Variants in GPA33 observed in about 807,000 individuals in gnomAD.
GPA33 encodes glycoprotein A33, also known as cell surface A33 antigen.
In GPA33, 27 loss-of-function variants were observed where a neutral mutation model predicts 35.6. The ratio of observed to expected loss-of-function variants is 0.76; its 90% CI spans 0.56 to 1.04. GPA33 has a LOEUF of 1.04. Among genes scored for constraint, GPA33 ranks in the 50% least tolerant of loss-of-function variants. The pLI is 0.00. For synonymous variants in GPA33, 176 were observed against 164.0 expected (o/e 1.07, Z -0.56); for missense variants, 428 against 411.9 (o/e 1.04, Z -0.34).
chr1:167,055,556 G>A (rs897637213), intron 5 of GPA33, among the ~76,000 whole-genome samples, 174 bp downstream of exon 5: 1 of 152,116 alleles, frequency 6.6e-6, no homozygotes, highest in Non-Finnish European at 1.5e-5. Flanking sequence ...TGGCCTCAGA[G>A]TGAGGGGAGC....
At chr1:167,079,121 CAG>C (rs1553245113) in intron 1 of GPA33, among the ~76,000 whole-genome samples, 1 of 151,978 alleles carries the variant, frequency 6.6e-6, no homozygotes, top group Non-Finnish European at 1.5e-5. Flanking sequence ...ATCATTATAA[CAG>C]AGAGTTAAAA....
At chr1:167,084,464 A>G (rs1226112095) in intron 1 of GPA33, among the ~76,000 whole-genome samples, 2 of 152,262 alleles carry the variant, frequency 1.3e-5, no homozygotes, top group Admixed American at 6.5e-5. Flanking sequence ...TGCTCTCAAC[A>G]AAAGGTGTTC....
chr1:167,076,714 C>CA (rs1022156227), intron 1 of GPA33, among the ~76,000 whole-genome samples: 7 of 151,910 alleles, frequency 4.6e-5, no homozygotes, highest in Non-Finnish European at 7.4e-5. Flanking sequence ...AGGAAGATGT[C>CA]AAAAAAACAG....
chr1:167,062,171 ATTTATTTTATTTTATTTTACTTTAT>A (rs1558004532), intron 4 of GPA33, among the ~76,000 whole-genome samples: 1 of 151,290 alleles, frequency 6.6e-6, no homozygotes, highest in Non-Finnish European at 1.5e-5. Flanking sequence ...AAAATATTTT[ATTTATTTTATTTTATTTTACTTTAT>A]TTTATTTTAT....
chr1:167,069,076 A>G lies in GPA33; in HGVS notation c.261T>C (p.Asn87=). 6.2e-7 allele frequency: 1 copy of G among 1,614,044 alleles called. No individual in the cohort carries two copies. The highest frequency in any genetic ancestry group is 8.5e-7 in the Non-Finnish European group (1 of 1,179,958). ...KNYIHGELYK[N]RVSISNNAEQ... is the part of the protein sequence containing the mutation. ...CAGCATTGTTGGATATGCTGACGCG[A>G]TTCTTATAAAGCTCACCATGGATGT... The change falls in exon 3 of 7, where the codon AAT becomes AAC. Residue 87 remains asparagine (N), a synonymous_variant. Transcript: ENST00000367868.
chr1:167,063,710 A>G lies in GPA33; in HGVS notation c.443T>C (p.Ile148Thr), dbSNP rs1177403007. ...LVPPSKPECG[I>T]EGETIIGNNI... ...GTTCCCAATTATGGTCTCTCCCTCGATGCCGCATTCTGGTTTGGAGGGTGG... is the reference window on the plus strand; with the variant it reads ...GTTCCCAATTATGGTCTCTCCCTCGGTGCCGCATTCTGGTTTGGAGGGTGG... Residue 148 changes from isoleucine to threonine, a missense_variant, in exon 4 of 7, where the codon ATC becomes ACC. Transcript: ENST00000367868. 3 of 1,613,306 alleles carry G rather than the reference A, an allele frequency of 1.9e-6. No homozygotes were observed. Among genetic ancestry groups the G allele is most frequent in the Admixed American group, 3.3e-5 (2 of 59,980 alleles).
intron 1 of GPA33, among the ~76,000 whole-genome samples, chr1:167,075,528 A>G (rs768824032): frequency 3.9e-5 from 6 of 152,182 alleles, no homozygotes; most frequent in Admixed American, 2.0e-4. Flanking sequence ...ACAGTTAAGG[A>G]AGGAGGAAGT....
intron 1 of GPA33, 108 bp downstream of exon 1, chr1:167,090,137 G>A (rs1434216658): frequency 4.9e-6 from 4 of 817,960 alleles, no homozygotes; most frequent in Non-Finnish European, 8.6e-6. Context: ...ACGCAGCTGT[G>A]TTGCTGGAGG....
intron 4 of GPA33, among the ~76,000 whole-genome samples, chr1:167,059,206 C>T (rs1454490355): frequency 6.6e-6 from 1 of 152,196 alleles, no homozygotes; most frequent in East Asian, 1.9e-4. Flanking sequence ...TGAACCAGTG[C>T]AGGTCTTGTG....
chr1:167,090,096 G>A (rs568576552), intron 1 of GPA33, 149 bp downstream of exon 1: 2 of 651,124 alleles, frequency 3.1e-6, no homozygotes, highest in Admixed American at 5.2e-5. Context: ...CTGGGCACTG[G>A]TCCGGAATGT....
chr1:167,072,806 C>T (rs74119590), intron 2 of GPA33, among the ~76,000 whole-genome samples: 1,720 of 151,882 alleles, frequency 0.011, 33 homozygotes, highest in African/African-American at 0.039. Flanking sequence ...TATTCATATA[C>T]GCAAATACAT....
At chr1:167,080,327 C>T (rs781336102) in intron 1 of GPA33, among the ~76,000 whole-genome samples, 1 of 152,180 alleles carries the variant, frequency 6.6e-6, no homozygotes, top group Non-Finnish European at 1.5e-5. Flanking sequence ...GTTAGAAGTG[C>T]AAGCGCCTTT....
At chr1:167,058,655 C>G (rs570233509) in intron 4 of GPA33, 1 of 152,170 alleles carries the variant, frequency 6.6e-6, no homozygotes, top group African/African-American at 2.4e-5. Context: ...TAAAATGTGT[C>G]CCCTTCTATC....
chr1:167,080,313 A>G (rs1207144684), intron 1 of GPA33, among the ~76,000 whole-genome samples: 1 of 152,204 alleles, frequency 6.6e-6, no homozygotes, highest in Non-Finnish European at 1.5e-5. Flanking sequence ...CCAGGGGTAT[A>G]CAGGTTAGAA....
Position 167,076,670 on chromosome 1 carries a change from T to C in GPA33, c.44-3131A>G, listed in dbSNP as rs549403551. 5.9e-5 allele frequency among the ~76,000 whole-genome samples: 9 copies of C among 152,282 alleles called. No homozygotes were observed. In the East Asian group the frequency reaches 1.5e-3, roughly 26 times the overall value. On this transcript the variant is annotated intron_variant, in intron 1 of 6. Coordinates refer to ENST00000367868, the MANE Select transcript of GPA33 (RefSeq NM_005814.3). ...GTGAGCTCCTGGGGTGAGTTTATAATATCCGGGAGTATTGGATATTGGGAA... is the reference window on the plus strand; with the variant it reads ...GTGAGCTCCTGGGGTGAGTTTATAACATCCGGGAGTATTGGATATTGGGAA...
intron 4 of GPA33, among the ~76,000 whole-genome samples, chr1:167,056,738 TGTGTGTGGTGTGTGTATGGCG>T (rs1212094363): frequency 3.7e-3 from 6 of 1,622 alleles, no homozygotes; most frequent in African/African-American, 5.6e-3. Context: ...ATGTATGTGG[TGTGTGTGGTGTGTGTATGGCG>T]TGTGTGTGGT....
chr1:167,086,252 G>A (rs988957604), intron 1 of GPA33, among the ~76,000 whole-genome samples: 1 of 152,248 alleles, frequency 6.6e-6, no homozygotes, highest in African/African-American at 2.4e-5. Flanking sequence ...CGGGGAGCCA[G>A]GCTAATTTAG....
At position 167,053,290 on chromosome 1, in the gene GPA33, C is replaced by G. The variant is rs1203464627; in HGVS notation, c.*1044G>C. On this transcript the variant is annotated 3_prime_UTR_variant, in exon 7 of 7. Transcript: ENST00000367868. ...CTCAGACCATCTGCAAGCAAGCTCC[C>G]TTGTGTGTGTTCACTTTAAATCAAT... 1 of 152,268 alleles carries G rather than the reference C, an allele frequency of 6.6e-6. No homozygotes were observed. The highest frequency in any genetic ancestry group is 1.5e-5 in the Non-Finnish European group (1 of 68,072). The allele number at this position is 152,268 out of a possible 1,614,324, so 9.4% of individuals were successfully genotyped here. A position where few individuals can be genotyped will look rare whatever the true frequency, so the allele number is the denominator to read the frequency against.
Position 167,054,215 on chromosome 1 carries a change from T to G in GPA33, c.*119A>C. On this transcript the variant is annotated 3_prime_UTR_variant, in exon 7 of 7. Coordinates refer to ENST00000367868, the MANE Select transcript of GPA33 (RefSeq NM_005814.3). ...CACAGCTGACACTGGGGAAGAAATG[T>G]CCCCATCAATGTCTGGGATGGAGGG... is the stretch of plus-strand genomic sequence containing the variant. 1.5e-6 allele frequency: 2 copies of G among 1,293,046 alleles called. No individual in the cohort carries two copies. Among genetic ancestry groups the G allele is most frequent in the Non-Finnish European group, 2.2e-6 (2 of 923,144 alleles). The allele number at this position is 1,293,046 out of a possible 1,614,324, so 80.1% of individuals were successfully genotyped here.
Sources: gnomAD v4.1 joint callset for allele counts (sites outside exome capture counted in the v4.1 genomes callset) on GRCh38, gnomAD v4.1.1 for gene constraint, MANE v1.5 for transcripts, NCBI Gene and HGNC (gene_info 2026-07-23, HGNC 2026-07-21) for gene names.